Variants in DISC1 observed in about 807,000 individuals in gnomAD.
DISC1 encodes DISC1 scaffold protein.
In DISC1, 57 loss-of-function variants were observed where a neutral mutation model predicts 84.5. The observed-to-expected ratio is 0.67, with a 90% confidence interval of 0.55 to 0.84. DISC1 has a LOEUF of 0.84. Among genes scored for constraint, DISC1 ranks in the 40% least tolerant of loss-of-function variants. The probability of loss-of-function intolerance (pLI) is 0.00; values close to 1 mark genes in which losing one functional copy is unlikely to be tolerated. For missense variants in DISC1, 1,000 were observed against 1,057.8 expected, an observed-to-expected ratio of 0.95 and a Z score of 0.76; for synonymous variants, 411 against 415.2, an observed-to-expected ratio of 0.99 and a Z score of 0.12.
At chr1:231,991,332 T>G (rs1456962926) in intron 10 of DISC1, among the ~76,000 whole-genome samples, 1 of 152,240 alleles carries the variant, frequency 6.6e-6, no homozygotes, top group African/African-American at 2.4e-5. Context: ...CAGCGCCTAT[T>G]CTTTCTGGGT....
At chr1:231,681,924 T>C (rs2063738142) in intron 1 of DISC1, among the ~76,000 whole-genome samples, 1 of 152,186 alleles carries the variant, frequency 6.6e-6, no homozygotes, top group Admixed American at 6.5e-5. Flanking sequence ...GGTCTCGAAC[T>C]CCTGACCTCA....
chr1:231,681,804 T>A (rs2063725496), intron 1 of DISC1, among the ~76,000 whole-genome samples: 1 of 152,100 alleles, frequency 6.6e-6, no homozygotes, highest in African/African-American at 2.4e-5. Flanking sequence ...CAAGCGATTC[T>A]CCTGCCTCAG....
At chr1:231,994,027 A>G (rs1440498448) in intron 10 of DISC1, among the ~76,000 whole-genome samples, 2 of 152,248 alleles carry the variant, frequency 1.3e-5, no homozygotes, top group African/African-American at 2.4e-5. Flanking sequence ...AGTATGTTAC[A>G]CTAATGATGA....
chr1:231,684,087 G>A (rs1441558294), intron 1 of DISC1, among the ~76,000 whole-genome samples: 1 of 151,892 alleles, frequency 6.6e-6, no homozygotes, highest in Non-Finnish European at 1.5e-5. Context: ...TCTTCCCCAG[G>A]GAGCCATGAG....
chr1:231,736,193 A>C (rs530326752), intron 3 of DISC1, among the ~76,000 whole-genome samples: 1 of 152,218 alleles, frequency 6.6e-6, no homozygotes, highest in South Asian at 2.1e-4. Context: ...GACAGAGCTG[A>C]ATGAGGCTGT....
Position 231,786,278 on chromosome 1 carries a change from C to T in DISC1, c.1635-8964C>T, listed in dbSNP as rs537690524. Among the ~76,000 whole-genome samples the T allele has an allele frequency of 5.9e-5, 9 of 152,302 alleles. No homozygotes were observed. The East Asian group carries it at 1.7e-3, about 29-fold the overall frequency. ...TTTTAGAAATAATTTAGTCCAACTTCCTCATTTTGCAACTGAGAAGATGGA... is the reference window on the plus strand; with the variant it reads ...TTTTAGAAATAATTTAGTCCAACTTTCTCATTTTGCAACTGAGAAGATGGA... On this transcript the variant is annotated intron_variant, in intron 6 of 12. Coordinates refer to ENST00000439617, the MANE Select transcript of DISC1 (RefSeq NM_018662.3).
intron 9 of DISC1, among the ~76,000 whole-genome samples, chr1:231,886,832 T>C (rs867784315): frequency 2.2e-4 from 27 of 123,630 alleles, no homozygotes; most frequent in Admixed American, 1.2e-3. Flanking sequence ...TCTTTCTTTC[T>C]TTCCTTCTTT....
intron 3 of DISC1, chr1:231,724,106 AC>A: frequency 1.2e-6 from 1 of 864,926 alleles, no homozygotes; most frequent in Non-Finnish European, 1.4e-6. Context: ...AATAGATTGG[AC>A]CAGTATTTTG....
chr1:231,952,599 T>C (rs907864554), intron 9 of DISC1, among the ~76,000 whole-genome samples: 17 of 151,344 alleles, frequency 1.1e-4, no homozygotes, highest in African/African-American at 3.9e-4. Flanking sequence ...AAAGAGCCAA[T>C]GTAGATATAT....
At chr1:231,991,949 T>C (rs1165333871) in intron 10 of DISC1, among the ~76,000 whole-genome samples, 1 of 152,216 alleles carries the variant, frequency 6.6e-6, no homozygotes, top group Non-Finnish European at 1.5e-5. Flanking sequence ...TAATTTTTCT[T>C]GGAGGTCTTT....
At chr1:231,917,774 G>A (rs1464826193) in intron 9 of DISC1, among the ~76,000 whole-genome samples, 1 of 152,160 alleles carries the variant, frequency 6.6e-6, no homozygotes, top group Admixed American at 6.5e-5. Context: ...CTAACCTCTG[G>A]ACATGGACTA....
intron 3 of DISC1, among the ~76,000 whole-genome samples, chr1:231,709,905 G>C (rs1461802363): frequency 1.3e-5 from 2 of 152,196 alleles, no homozygotes; most frequent in Non-Finnish European, 2.9e-5. Context: ...CTTGCGCTTA[G>C]AAGACTGATT....
At chr1:231,980,413 G>A (rs1336738430) in intron 10 of DISC1, among the ~76,000 whole-genome samples, 1 of 152,160 alleles carries the variant, frequency 6.6e-6, no homozygotes, top group Non-Finnish European at 1.5e-5. Flanking sequence ...GGGTGTGTTT[G>A]TGACTCACAC....
chr1:231,627,068 AG>A (rs2058312570), intron 1 of DISC1, 134 bp downstream of exon 1: 1 of 590,932 alleles, frequency 1.7e-6, no homozygotes, highest in Non-Finnish European at 2.8e-6. Flanking sequence ...AGGGAAACTG[AG>A]GCAGGACGCG....
chr1:231,962,390 C>A (rs1660504913), intron 10 of DISC1, among the ~76,000 whole-genome samples: 2 of 152,116 alleles, frequency 1.3e-5, no homozygotes, highest in South Asian at 2.1e-4. Context: ...TTGATTAGGT[C>A]CCACTTGTCA....
chr1:231,979,619 A>G, intron 10 of DISC1, among the ~76,000 whole-genome samples: 1 of 151,220 alleles, frequency 6.6e-6, no homozygotes, highest in East Asian at 1.9e-4. Context: ...ATATAAAAGC[A>G]TATGTATGTA....
At chr1:231,799,117 T>G (rs1435499123) in intron 7 of DISC1, among the ~76,000 whole-genome samples, 10 of 152,104 alleles carry the variant, frequency 6.6e-5, no homozygotes, top group Non-Finnish European at 1.5e-4. Flanking sequence ...TAAAGACATT[T>G]GGAAAAAGAA....
At chr1:231,837,634 A>G (rs769714838) in intron 9 of DISC1, among the ~76,000 whole-genome samples, 7 of 152,198 alleles carry the variant, frequency 4.6e-5, no homozygotes, top group Non-Finnish European at 1.0e-4. Context: ...GCATGAAAGT[A>G]TGGAAACTGT....
intron 9 of DISC1, among the ~76,000 whole-genome samples, chr1:231,927,769 G>A (rs2090434067): frequency 6.6e-6 from 1 of 152,214 alleles, no homozygotes; most frequent in Non-Finnish European, 1.5e-5. Context: ...AGATAGGCAA[G>A]GAGCCCACGA....
Sources: gnomAD v4.1 joint callset for allele counts (sites outside exome capture counted in the v4.1 genomes callset) on GRCh38, gnomAD v4.1.1 for gene constraint, MANE v1.5 for transcripts, NCBI Gene and HGNC (gene_info 2026-07-23, HGNC 2026-07-21) for gene names.